Variants in GALNT13 observed in about 807,000 individuals in gnomAD.
The protein encoded by GALNT13 is polypeptide N-acetylgalactosaminyltransferase 13, also known as UDP-GalNAc:polypeptide N-acetylgalactosaminyltransferase 13.
A neutral mutation model predicts 64.2 loss-of-function variants in GALNT13; 28 were observed. The observed-to-expected ratio is 0.44, with a 90% CI of 0.32 to 0.60. The LOEUF (loss-of-function observed/expected upper bound fraction) is 0.60, where lower values mean the gene tolerates loss of function less well. Ranked by LOEUF, GALNT13 falls within the 20% of genes least tolerant of loss-of-function variation. The pLI, the probability that GALNT13 is intolerant of heterozygous loss-of-function variation, is 0.05. For synonymous variants in GALNT13, 214 were observed against 224.6 expected, an observed-to-expected ratio of 0.95 and a Z score of 0.42; for missense variants, 577 against 669.8, an observed-to-expected ratio of 0.86 and a Z score of 1.53.
At chr2:153,491,594 A>ATTTATT in the GALNT13 span, among the ~76,000 whole-genome samples, 59 of 145,450 alleles carry the variant, frequency 4.1e-4, no homozygotes, top group Middle Eastern at 3.5e-3. Flanking sequence ...AAACCATATT[A>ATTTATT]TATTTATTTA....
the GALNT13 span, among the ~76,000 whole-genome samples, chr2:153,542,892 A>G: frequency 1.3e-5 from 2 of 152,208 alleles, no homozygotes; most frequent in African/African-American, 4.8e-5. Context: ...TATCTCATCA[A>G]TAAAAGTACA....
chr2:153,692,877 T>C, the GALNT13 span, among the ~76,000 whole-genome samples: 4 of 152,200 alleles, frequency 2.6e-5, no homozygotes, highest in South Asian at 6.2e-4. Context: ...GTAAGACTCA[T>C]GAAAACTCAT....
intron 9 of GALNT13, among the ~76,000 whole-genome samples, chr2:154,365,706 G>T (rs186350311): frequency 6.6e-6 from 1 of 152,180 alleles, no homozygotes; most frequent in South Asian, 2.1e-4. Flanking sequence ...CATCGACTTA[G>T]GATTCCATTG....
intron 3 of GALNT13, among the ~76,000 whole-genome samples, chr2:154,012,694 C>T (rs1397734135): frequency 6.6e-6 from 1 of 152,056 alleles, no homozygotes; most frequent in Non-Finnish European, 1.5e-5. Context: ...CTCTTTCTGC[C>T]ATGTCAGTGT....
intron 8 of GALNT13, among the ~76,000 whole-genome samples, chr2:154,263,936 A>G (rs1208243548): frequency 1.3e-5 from 2 of 152,224 alleles, no homozygotes. Context: ...AAACAAGGAA[A>G]GCCTTACAAT....
At chr2:154,446,716 G>T in intron 12 of GALNT13, 3 of 1,545,292 alleles carry the variant, frequency 1.9e-6, no homozygotes, top group Non-Finnish European at 2.6e-6. Context: ...GAAATTTTTA[G>T]AAATATTTTT....
the GALNT13 span, among the ~76,000 whole-genome samples, chr2:153,137,536 A>G: frequency 6.6e-6 from 1 of 152,050 alleles, no homozygotes; most frequent in African/African-American, 2.4e-5. Context: ...ATAGACTTGG[A>G]ATTCAATTGG....
chr2:153,871,079 CA>C (rs1343945632), upstream of GALNT13, among the ~76,000 whole-genome samples: 4 of 152,242 alleles, frequency 2.6e-5, no homozygotes, highest in South Asian at 8.3e-4. Flanking sequence ...TGCCTTGTGC[CA>C]GGCACTGTTC....
chr2:153,260,601 G>T, the GALNT13 span, among the ~76,000 whole-genome samples: 4 of 152,028 alleles, frequency 2.6e-5, no homozygotes, highest in African/African-American at 7.2e-5. Flanking sequence ...TTATTTGTTT[G>T]TTTTTCTCTT....
the GALNT13 span, among the ~76,000 whole-genome samples, chr2:153,828,943 C>G: frequency 6.6e-6 from 1 of 152,182 alleles, no homozygotes; most frequent in African/African-American, 2.4e-5. Context: ...TTCCACAAAT[C>G]TCTCAGGCAG....
At chr2:153,362,400 G>T in the GALNT13 span, among the ~76,000 whole-genome samples, 1 of 152,002 alleles carries the variant, frequency 6.6e-6, no homozygotes, top group Non-Finnish European at 1.5e-5. Flanking sequence ...AATGTAAATT[G>T]TCTAAATGCC....
At chr2:153,622,443 C>CA in the GALNT13 span, among the ~76,000 whole-genome samples, 1 of 152,060 alleles carries the variant, frequency 6.6e-6, no homozygotes, top group South Asian at 2.1e-4. Context: ...CACAAAAGCA[C>CA]ATTTTTGGCA....
At chr2:154,150,431 A>C (rs1177461384) in intron 4 of GALNT13, among the ~76,000 whole-genome samples, 1 of 152,362 alleles carries the variant, frequency 6.6e-6, no homozygotes, top group East Asian at 1.9e-4. Flanking sequence ...TATCAGGATG[A>C]TGCTGGCCTC....
the GALNT13 span, among the ~76,000 whole-genome samples, chr2:153,392,810 C>T: frequency 6.6e-6 from 1 of 151,992 alleles, no homozygotes; most frequent in Non-Finnish European, 1.5e-5. Flanking sequence ...AAAACTTAAT[C>T]TCCAATGCAA....
At chr2:154,276,968 A>G (rs745821088) in intron 8 of GALNT13, among the ~76,000 whole-genome samples, 1 of 152,178 alleles carries the variant, frequency 6.6e-6, no homozygotes, top group Admixed American at 6.5e-5. Flanking sequence ...CTGTGAGTCA[A>G]TTAAACCTCT....
intron 3 of GALNT13, among the ~76,000 whole-genome samples, chr2:154,070,586 T>C (rs1700688302): frequency 6.6e-6 from 1 of 152,134 alleles, no homozygotes; most frequent in African/African-American, 2.4e-5. Context: ...TATCTTCTCC[T>C]CTTTTATATT....
chr2:153,754,382 G>A, the GALNT13 span, among the ~76,000 whole-genome samples: 1 of 152,078 alleles, frequency 6.6e-6, no homozygotes, highest in Non-Finnish European at 1.5e-5. Context: ...AGAGCCCAAG[G>A]GCTCTTCAGT....
the GALNT13 span, among the ~76,000 whole-genome samples, chr2:153,221,545 A>G: frequency 2.6e-5 from 4 of 152,196 alleles, no homozygotes; most frequent in Non-Finnish European, 5.9e-5. Context: ...TTCCAGCTGG[A>G]AACCTCTGTG....
the GALNT13 span, among the ~76,000 whole-genome samples, chr2:153,290,751 TG>T: frequency 6.6e-6 from 1 of 152,206 alleles, no homozygotes; most frequent in Non-Finnish European, 1.5e-5. Context: ...GTACCTTGCA[TG>T]GAGTAGTGTT....
Sources: gnomAD v4.1 joint callset for allele counts (sites outside exome capture counted in the v4.1 genomes callset) on GRCh38, gnomAD v4.1.1 for gene constraint, MANE v1.5 for transcripts, NCBI Gene and HGNC (gene_info 2026-07-23, HGNC 2026-07-21) for gene names.